The following RBFOX1 variants were observed in gnomAD, a reference collection of about 807,000 sequenced individuals.
The protein encoded by RBFOX1 is RNA binding protein fox-1 homolog 1.
A neutral mutation model predicts 57.7 loss-of-function variants in RBFOX1; 8 were observed. The ratio of observed to expected loss-of-function variants is 0.14; its 90% CI spans 0.08 to 0.25. RBFOX1 has a LOEUF of 0.25. Ranked by LOEUF, RBFOX1 falls within the 10% of genes least tolerant of loss-of-function variation. The pLI is 1.00. For synonymous variants in RBFOX1, 326 were observed against 222.4 expected, an observed-to-expected ratio of 1.47 and a Z score of -4.15; for missense variants, 611 against 548.5, an observed-to-expected ratio of 1.11 and a Z score of -1.14.
In RBFOX1 at chr16:6,662,135, G is replaced by C. The variant is rs563111571; in HGVS notation, c.-16+7485G>C. Among the ~76,000 whole-genome samples the C allele has an allele frequency of 3.3e-4, 26 of 79,156 alleles. 1 individual carries two copies. The South Asian group carries it at 0.011, about 32-fold the overall frequency. 51.9% of individuals were successfully genotyped at this position (79,156 alleles called of 152,430 possible). ...GGTGGTTGCCGAGGGCTGGGGGCGG[G>C]GTGAAAAAAAAGGGAGGATCTTGGT... On this transcript the variant is annotated intron_variant, in intron 3 of 15. Coordinates refer to ENST00000550418, the MANE Select transcript of RBFOX1 (RefSeq NM_018723.4).
At chr16:5,762,712 T>C (rs2053632590) in intron 3 of RBFOX1, among the ~76,000 whole-genome samples, 1 of 152,174 alleles carries the variant, frequency 6.6e-6, no homozygotes, top group Non-Finnish European at 1.5e-5. Flanking sequence ...CAAATAATGA[T>C]GGTTCTGGCC....
At chr16:5,713,025 T>C (rs1486332770) in intron 3 of RBFOX1, among the ~76,000 whole-genome samples, 1 of 152,220 alleles carries the variant, frequency 6.6e-6, no homozygotes, top group African/African-American at 2.4e-5. Flanking sequence ...GATGAGACTT[T>C]AGCCAGTGAG....
At chr16:5,450,349 T>A (rs1289488489) in intron 1 of RBFOX1, among the ~76,000 whole-genome samples, 3 of 151,846 alleles carry the variant, frequency 2.0e-5, no homozygotes, top group Non-Finnish European at 2.9e-5. Flanking sequence ...GGAAGAAGAG[T>A]GATCGATTGG....
At chr16:6,376,243 C>T (rs2152904668) in intron 2 of RBFOX1, among the ~76,000 whole-genome samples, 1 of 152,246 alleles carries the variant, frequency 6.6e-6, no homozygotes, top group East Asian at 1.9e-4. Flanking sequence ...TGCTTATGTC[C>T]TATAGCCTGG....
chr16:7,453,283 G>A (rs186020637), intron 4 of RBFOX1, among the ~76,000 whole-genome samples: 1 of 152,226 alleles, frequency 6.6e-6, no homozygotes, highest in Admixed American at 6.5e-5. Context: ...TGTGGGATTG[G>A]CATGTATGAA....
rs149277319 is a variant in RBFOX1, at chr16:6,042,966, G to C, written c.-127+22974G>C. ...TAAGGGGGGTTGTGAAAAATAAAAT[G>C]CTTAGCCAGGCTTGGTGGCATGCAC... is the stretch of plus-strand genomic sequence containing the variant. On this transcript the variant is annotated intron_variant, in intron 1 of 15. Transcript: ENST00000550418. Among the ~76,000 whole-genome samples, 96 of 151,702 alleles carry C rather than the reference G, an allele frequency of 6.3e-4. 1 individual carries two copies. Among genetic ancestry groups the C allele is most frequent in the African/African-American group, 2.2e-3 (90 of 41,432 alleles).
At chr16:5,363,775 G>GTT (rs1474582733) in intron 1 of RBFOX1, among the ~76,000 whole-genome samples, 8 of 152,214 alleles carry the variant, frequency 5.3e-5, no homozygotes, top group Non-Finnish European at 7.3e-5. Context: ...TGTATTACCA[G>GTT]GGCCAGAAGG....
At chr16:6,873,173 C>A (rs1057211628) in intron 3 of RBFOX1, among the ~76,000 whole-genome samples, 5 of 150,616 alleles carry the variant, frequency 3.3e-5, no homozygotes, top group African/African-American at 1.2e-4. Flanking sequence ...CCTCCTGAAG[C>A]GTGAAGAAGG....
At chr16:5,631,239 T>C (rs943818453) in intron 3 of RBFOX1, among the ~76,000 whole-genome samples, 15 of 152,272 alleles carry the variant, frequency 9.9e-5, no homozygotes, top group African/African-American at 3.1e-4. Context: ...TCTTAGAGGC[T>C]CTCTCCAATC....
intron 5 of RBFOX1, among the ~76,000 whole-genome samples, chr16:7,532,032 A>G (rs768074676): frequency 6.6e-6 from 1 of 152,106 alleles, no homozygotes; most frequent in Non-Finnish European, 1.5e-5. Context: ...TATAATTATA[A>G]CCCAAATTGT....
intron 3 of RBFOX1, among the ~76,000 whole-genome samples, chr16:6,758,301 C>A (rs1192299987): frequency 6.6e-6 from 1 of 151,932 alleles, no homozygotes; most frequent in Non-Finnish European, 1.5e-5. Flanking sequence ...TAAAATGTCC[C>A]AATAAAAATT....
At chr16:6,473,678 A>G (rs939283333) in intron 2 of RBFOX1, among the ~76,000 whole-genome samples, 1 of 152,110 alleles carries the variant, frequency 6.6e-6, no homozygotes, top group Non-Finnish European at 1.5e-5. Flanking sequence ...AGACATCCTC[A>G]CTTGCATTTT....
intron 3 of RBFOX1, among the ~76,000 whole-genome samples, chr16:5,634,418 G>A (rs2048617522): frequency 6.6e-6 from 1 of 152,144 alleles, no homozygotes; most frequent in South Asian, 2.1e-4. Context: ...ACTGTAATTG[G>A]ACACTTACTC....
intron 4 of RBFOX1, among the ~76,000 whole-genome samples, chr16:7,256,555 T>C (rs553043903): frequency 1.3e-5 from 2 of 152,306 alleles, no homozygotes; most frequent in African/African-American, 4.8e-5. Context: ...ATACACTGTA[T>C]GTCTGTTTAT....
At position 6,474,308 on chromosome 16, in the gene RBFOX1, G is replaced by C. The variant is rs564082315; in HGVS notation, c.-64+157251G>C. Reference sequence around the variant, plus strand: ...GAGCGGACGTGACATCTGTTTTCAGGACCCTTTAATCATATCCCGTGGTCC... The same window carrying C: ...GAGCGGACGTGACATCTGTTTTCAGCACCCTTTAATCATATCCCGTGGTCC... On this transcript the variant is annotated intron_variant, in intron 2 of 15. Coordinates refer to ENST00000550418, the MANE Select transcript of RBFOX1 (RefSeq NM_018723.4). Among the ~76,000 whole-genome samples, 194 of 152,246 alleles carry C rather than the reference G, an allele frequency of 1.3e-3. 1 individual carries two copies. Among genetic ancestry groups the C allele is most frequent in the African/African-American group, 4.0e-3 (168 of 41,544 alleles).
chr16:6,207,675 T>C (rs1391358495), intron 1 of RBFOX1, among the ~76,000 whole-genome samples: 2 of 152,086 alleles, frequency 1.3e-5, no homozygotes, highest in Non-Finnish European at 2.9e-5. Flanking sequence ...AAGGTGACAG[T>C]AGACATTTTA....
intron 3 of RBFOX1, among the ~76,000 whole-genome samples, chr16:6,857,174 T>G (rs1250364757): frequency 6.6e-6 from 1 of 152,176 alleles, no homozygotes; most frequent in Non-Finnish European, 1.5e-5. Context: ...AAAAAGACTT[T>G]CAGGTTCCTG....
intron 3 of RBFOX1, among the ~76,000 whole-genome samples, chr16:6,766,971 A>T (rs113083168): frequency 6.6e-6 from 1 of 152,082 alleles, no homozygotes; most frequent in Non-Finnish European, 1.5e-5. Context: ...GGGGAGGCTG[A>T]AGGCTGAAGG....
intron 3 of RBFOX1, among the ~76,000 whole-genome samples, chr16:6,829,170 G>A (rs182346896): frequency 1.0e-3 from 150 of 149,280 alleles, no homozygotes; most frequent in Middle Eastern, 3.5e-3. Context: ...GAAGTTTCAA[G>A]AAACCAAAGA....
Sources: gnomAD v4.1 joint callset for allele counts (sites outside exome capture counted in the v4.1 genomes callset) on GRCh38, gnomAD v4.1.1 for gene constraint, MANE v1.5 for transcripts, NCBI Gene and HGNC (gene_info 2026-07-23, HGNC 2026-07-21) for gene names.